The following CCDC136 variants were observed in gnomAD, a reference collection of about 807,000 sequenced individuals.
CCDC136 encodes the protein coiled-coil domain-containing protein 136.
In CCDC136, 100 loss-of-function variants were observed where a neutral mutation model predicts 141.2. The ratio of observed to expected loss-of-function variants is 0.71; its 90% CI spans 0.60 to 0.84. The LOEUF (loss-of-function observed/expected upper bound fraction) is 0.84. CCDC136 is among the 40% of genes least tolerant of loss of function. The pLI is 0.00. For missense variants in CCDC136, 1,206 were observed against 1,379.4 expected (o/e 0.87, Z 1.99); for synonymous variants, 474 against 531.9 (o/e 0.89, Z 1.50).
chr7:128,795,996 G>C (rs950860192), intron 3 of CCDC136, among the ~76,000 whole-genome samples: 1 of 152,138 alleles, frequency 6.6e-6, no homozygotes, highest in Admixed American at 6.5e-5. Flanking sequence ...TTTATTTTGA[G>C]ACAGAGTCTT....
rs184720359 is a variant in CCDC136 at position 128,799,072 on chromosome 7, A to G, written c.347-2114A>G. On this transcript the variant is annotated intron_variant, in intron 3 of 17. Transcript: ENST00000297788. Reference sequence around the variant, plus strand: ...CAAACAGGGCCAGGTGTGGTGGCTCATGCCTGTAATCCCAGCACTTTGGGA... The same window carrying G: ...CAAACAGGGCCAGGTGTGGTGGCTCGTGCCTGTAATCCCAGCACTTTGGGA... Among the ~76,000 whole-genome samples, 528 of 150,636 alleles carry G rather than the reference A, an allele frequency of 3.5e-3. 3 individuals carry two copies. Among genetic ancestry groups the G allele is most frequent in the African/African-American group, 0.012 (497 of 40,954 alleles).
Position 128,806,166 on chromosome 7 carries a change from C to T in CCDC136, c.1090-71C>T, listed in dbSNP as rs1804801631. 2.9e-6 allele frequency: 4 copies of T among 1,376,980 alleles called. No homozygotes were observed. In the South Asian group the frequency reaches 5.9e-5, roughly 20 times the overall value. 85.3% of individuals were successfully genotyped at this position (1,376,980 alleles called of 1,614,324 possible). On this transcript the variant is annotated intron_variant, in intron 7 of 17. Coordinates refer to ENST00000297788, the MANE Select transcript of CCDC136 (RefSeq NM_022742.5). ...CAAGATGTCTGCATCTGAAAAGGAA[C>T]CCAACTGATCCGTAGAAAGACCTGC...
At chr7:128,802,677 A>G (rs1804229038) in intron 4 of CCDC136, among the ~76,000 whole-genome samples, 1 of 152,230 alleles carries the variant, frequency 6.6e-6, no homozygotes, top group African/African-American at 2.4e-5. Context: ...AGTTAATAGT[A>G]ATGTATCAAT....
intron 3 of CCDC136, among the ~76,000 whole-genome samples, chr7:128,798,021 C>T (rs1585058311): frequency 6.8e-6 from 1 of 147,946 alleles, no homozygotes; most frequent in South Asian, 2.2e-4. Flanking sequence ...GGGTTCACGC[C>T]ATTCTCCTGC....
intron 4 of CCDC136, among the ~76,000 whole-genome samples, chr7:128,801,724 C>G (rs1804062165): frequency 6.6e-6 from 1 of 152,124 alleles, no homozygotes; most frequent in African/African-American, 2.4e-5. Flanking sequence ...CGAGCCCAGG[C>G]ATTCATGAGC....
At chr7:128,792,854 C>T (rs912265725) in intron 1 of CCDC136, among the ~76,000 whole-genome samples, 2 of 152,228 alleles carry the variant, frequency 1.3e-5, no homozygotes, top group African/African-American at 4.8e-5. Flanking sequence ...AAGCCTGTGG[C>T]TTTGGTTCTT....
In CCDC136 at chr7:128,803,815, C is replaced by CTT. The variant is rs547570254; in HGVS notation, c.671-819_671-818dup. ...GATAAAAGGCCATTAGAAAGAATTCCTTTTTTTTTTTTTTTTTGAGACAGA... is the reference window on the plus strand; with the variant it reads ...GATAAAAGGCCATTAGAAAGAATTCCTTTTTTTTTTTTTTTTTTTGAGACAGA... On this transcript the variant is annotated intron_variant, in intron 4 of 17. Coordinates refer to ENST00000297788, the MANE Select transcript of CCDC136 (RefSeq NM_022742.5). Among the ~76,000 whole-genome samples the CTT allele has an allele frequency of 6.2e-4, 84 of 135,216 alleles. 2 individuals are homozygous for CTT. Among genetic ancestry groups the CTT allele is most frequent in the East Asian group, 2.6e-3 (12 of 4,600 alleles). The allele number at this position is 135,216 out of a possible 152,430, so 88.7% of individuals were successfully genotyped here. A position where few individuals can be genotyped will look rare whatever the true frequency, so the allele number is the denominator to read the frequency against.
chr7:128,820,656 C>T (rs767066537), intron 17 of CCDC136, among the ~76,000 whole-genome samples: 2 of 152,174 alleles, frequency 1.3e-5, no homozygotes, highest in Non-Finnish European at 2.9e-5. Context: ...TAGAGTGCAG[C>T]GGCATGATCA....
rs1175043659 is a variant in CCDC136 at position 128,792,407 on chromosome 7, G to A, written c.-5G>A. 1.2e-6 allele frequency: 2 copies of A among 1,610,062 alleles called. No individual in the cohort carries two copies. The highest frequency in any genetic ancestry group is 1.3e-5 in the African/African-American group (1 of 74,530). ...CAACGCTGGGGGTCCCTGGAACGAC[G>A]GGGGATGCAAGCTATGGAGGGTGAG... On this transcript the variant is annotated 5_prime_UTR_variant, in exon 1 of 18. Coordinates refer to ENST00000297788, the MANE Select transcript of CCDC136 (RefSeq NM_022742.5).
chr7:128,806,969 G>C, intron 9 of CCDC136, 111 bp downstream of exon 9: 1 of 1,163,396 alleles, frequency 8.6e-7, no homozygotes, highest in Non-Finnish European at 1.2e-6. Context: ...TGGCAGTGAG[G>C]GGGCCAAAGA....
rs1465281229 is a variant in CCDC136 at position 128,821,178 on chromosome 7, T to C, written c.*6-621T>C. Among the ~76,000 whole-genome samples, 2 of 152,214 alleles carry C rather than the reference T, an allele frequency of 1.3e-5. No individual in the cohort carries two copies. The highest frequency in any genetic ancestry group is 4.1e-4 in the South Asian group (2 of 4,828). Reference sequence around the variant, plus strand: ...AGTGTCTGGAAGCCTCAGCATACTCTAGCACATGCACCAGGAAGTCAGTCA... The same window carrying C: ...AGTGTCTGGAAGCCTCAGCATACTCCAGCACATGCACCAGGAAGTCAGTCA... On this transcript the variant is annotated intron_variant, in intron 17 of 17. Transcript: ENST00000297788. This position sits in a 1 kb window ranked among gnomAD's most constrained non-coding sequence, Gnocchi z 5.1.
chr7:128,816,679 C>T (rs372296764), intron 16 of CCDC136, among the ~76,000 whole-genome samples: 55 of 152,318 alleles, frequency 3.6e-4, no homozygotes, highest in Middle Eastern at 3.4e-3. Context: ...ATAACTGGTA[C>T]GTCTCTGCAG....
intron 3 of CCDC136, among the ~76,000 whole-genome samples, chr7:128,799,527 A>T (rs578098523): frequency 6.6e-6 from 1 of 151,944 alleles, no homozygotes; most frequent in Admixed American, 6.6e-5. Flanking sequence ...AGCAAACCAG[A>T]TATGCTCTCT....
At chr7:128,802,602 G>A (rs1804219452) in intron 4 of CCDC136, among the ~76,000 whole-genome samples, 1 of 152,118 alleles carries the variant, frequency 6.6e-6, no homozygotes, top group Admixed American at 6.5e-5. Context: ...TAGCTAGATG[G>A]GATCCTGAAA....
intron 3 of CCDC136, among the ~76,000 whole-genome samples, chr7:128,796,738 TATTC>T (rs1257463348): frequency 1.6e-5 from 2 of 122,256 alleles, no homozygotes; most frequent in African/African-American, 4.2e-5. Flanking sequence ...TATATATATA[TATTC>T]TTTTTTTTTT....
chr7:128,792,693 C>T (rs1473166066), intron 1 of CCDC136, among the ~76,000 whole-genome samples: 1 of 152,178 alleles, frequency 6.6e-6, no homozygotes, highest in East Asian at 1.9e-4. Context: ...AGAAAGAGGC[C>T]TTGTTGGACA....
At chr7:128,792,727 AGGGGGTTT>A (rs2047144387) in intron 1 of CCDC136, among the ~76,000 whole-genome samples, 2 of 152,346 alleles carry the variant, frequency 1.3e-5, no homozygotes, top group African/African-American at 4.8e-5. Context: ...GCCTTTCAGC[AGGGGGTTT>A]GTCCTCACTG....
At position 128,815,759 on chromosome 7, in the gene CCDC136, C is replaced by A; in HGVS notation, c.3191C>A (p.Ala1064Asp). ...AKEQCGDELVAEPADPEEAKS... is the reference protein window; with the variant it reads ...AKEQCGDELVDEPADPEEAKS... The stretch of plus-strand genomic sequence containing the variant: ...GAGCAGTGTGGGGATGAGCTAGTTG[C>A]TGAGCCAGCAGATCCTGAGGAAGCT... Residue 1064 changes from alanine (A) to aspartate (D), a missense_variant, in exon 16 of 18, where the codon GCT becomes GAT. Physicochemically the swap from Ala to Asp is moderately radical, Grantham distance 126. Transcript: ENST00000297788. 2 of 1,568,706 alleles carry A rather than the reference C, an allele frequency of 1.3e-6. No individual in the cohort carries two copies. The highest frequency in any genetic ancestry group is 1.7e-6 in the Non-Finnish European group (2 of 1,157,340).
At position 128,792,444 on chromosome 7, in the gene CCDC136, G is replaced by A; in HGVS notation, c.16+17G>A. ...CTATGGAGGGTGAGTTTTCCCAAAA[G>A]GCTTCTTTCTTTCCCCTCCCCTCCT... On this transcript the variant is annotated intron_variant, in intron 1 of 17. Coordinates refer to ENST00000297788, the MANE Select transcript of CCDC136 (RefSeq NM_022742.5). 2.5e-6 allele frequency: 4 copies of A among 1,593,252 alleles called. No individual in the cohort carries two copies. The Middle Eastern group carries it at 5.0e-4, about 201-fold the overall frequency.
Sources: allele counts gnomAD v4.1 joint callset (sites outside exome capture counted in the v4.1 genomes callset), GRCh38; gene constraint gnomAD v4.1.1; non-coding constraint Gnocchi (gnomAD v3.1); transcripts MANE v1.5; gene names NCBI Gene and HGNC (gene_info 2026-07-23, HGNC 2026-07-21).